The following RAB22A variants were observed in gnomAD, a reference collection of about 807,000 sequenced individuals.
RAB22A encodes RAB22A, member RAS oncogene family.
A neutral mutation model predicts 30.2 loss-of-function variants in RAB22A; 13 were observed. The observed-to-expected ratio is 0.43, with a 90% CI of 0.28 to 0.68. The LOEUF is 0.68. RAB22A is among the 30% of genes least tolerant of loss of function. RAB22A has a pLI of 0.18. For missense variants in RAB22A, 177 were observed against 246.8 expected, an observed-to-expected ratio of 0.72 and a Z score of 1.89; for synonymous variants, 89 against 87.2, an observed-to-expected ratio of 1.02 and a Z score of -0.11.
chr20:58,328,175 G>A (rs1043228274), intron 2 of RAB22A, among the ~76,000 whole-genome samples: 1 of 151,908 alleles, frequency 6.6e-6, no homozygotes, highest in African/African-American at 2.4e-5. Context: ...AACTATTTGC[G>A]AAAAAAATGT....
chr20:58,316,378 C>A (rs557336425), intron 2 of RAB22A, among the ~76,000 whole-genome samples: 1 of 152,154 alleles, frequency 6.6e-6, no homozygotes, highest in East Asian at 1.9e-4. Flanking sequence ...AGACTCCTGC[C>A]CATTTGCATT....
chr20:58,314,417 C>A (rs2122922036), intron 2 of RAB22A, among the ~76,000 whole-genome samples: 1 of 152,282 alleles, frequency 6.6e-6, no homozygotes, highest in East Asian at 1.9e-4. Context: ...ATATGCAGTA[C>A]TATGAAAACA....
chr20:58,351,153 A>G (rs184417380), intron 3 of RAB22A, among the ~76,000 whole-genome samples: 10 of 152,184 alleles, frequency 6.6e-5, no homozygotes, highest in South Asian at 2.1e-4. Context: ...CCTGTCCAAC[A>G]TGGCAAAACC....
chr20:58,348,237 AG>A (rs1213973468), intron 3 of RAB22A, among the ~76,000 whole-genome samples: 1 of 152,132 alleles, frequency 6.6e-6, no homozygotes, highest in Non-Finnish European at 1.5e-5. Context: ...AAAAAAAAAA[AG>A]CTTCCTAACC....
intron 2 of RAB22A, among the ~76,000 whole-genome samples, chr20:58,319,967 A>G (rs901735652): frequency 6.6e-6 from 1 of 152,182 alleles, no homozygotes; most frequent in African/African-American, 2.4e-5. Context: ...TGGCACTCCT[A>G]AGATAAATTT....
intron 2 of RAB22A, among the ~76,000 whole-genome samples, chr20:58,324,853 G>A (rs1986530261): frequency 1.7e-5 from 2 of 120,068 alleles, no homozygotes; most frequent in South Asian, 6.1e-4. Context: ...GTGACAGAGC[G>A]AGACTCCGTC....
intron 2 of RAB22A, among the ~76,000 whole-genome samples, chr20:58,339,880 T>C (rs1986825278): frequency 6.6e-6 from 1 of 152,192 alleles, no homozygotes; most frequent in African/African-American, 2.4e-5. Context: ...GAATCCATTG[T>C]TGAGTCCTGC....
intron 3 of RAB22A, among the ~76,000 whole-genome samples, chr20:58,350,316 C>G (rs931316171): frequency 6.6e-6 from 1 of 152,104 alleles, no homozygotes; most frequent in African/African-American, 2.4e-5. Context: ...CAAATTCAAA[C>G]AGTCTAACGT....
chr20:58,334,414 G>C (rs770751874), intron 2 of RAB22A, among the ~76,000 whole-genome samples: 1 of 151,860 alleles, frequency 6.6e-6, no homozygotes, highest in Non-Finnish European at 1.5e-5. Context: ...GATAGAAAAA[G>C]AAGAGCAGAG....
chr20:58,349,940 G>A (rs1229836621), intron 3 of RAB22A, among the ~76,000 whole-genome samples: 2 of 152,170 alleles, frequency 1.3e-5, no homozygotes, highest in African/African-American at 2.4e-5. Context: ...AGAATTTAAA[G>A]CACATATTTT....
chr20:58,334,796 G>A (rs1986719527), intron 2 of RAB22A, among the ~76,000 whole-genome samples: 1 of 147,608 alleles, frequency 6.8e-6, no homozygotes, highest in African/African-American at 2.5e-5. Context: ...GAATCAAAAT[G>A]TATGAGTAGA....
intron 2 of RAB22A, among the ~76,000 whole-genome samples, chr20:58,336,991 G>C (rs1254285504): frequency 6.6e-6 from 1 of 152,082 alleles, no homozygotes; most frequent in Non-Finnish European, 1.5e-5. Context: ...GGACCCCCCT[G>C]GGGGTCCTCG....
At chr20:58,335,903 C>T (rs1986742193) in intron 2 of RAB22A, among the ~76,000 whole-genome samples, 1 of 152,176 alleles carries the variant, frequency 6.6e-6, no homozygotes, top group South Asian at 2.1e-4. Flanking sequence ...GTATGTTAGT[C>T]TTAAGTTGTC....
intron 1 of RAB22A, 149 bp downstream of exon 1, chr20:58,310,161 G>T: frequency 1.3e-6 from 1 of 798,016 alleles, no homozygotes; most frequent in Non-Finnish European, 1.7e-6. Flanking sequence ...CTCGGGAGCC[G>T]TCCCGCCCAC....
In RAB22A at chr20:58,356,551, C is replaced by T. The variant is rs6026212; in HGVS notation, c.487+2286C>T. ...TATAATAGACATACAGAAATGTGCA[C>T]GTATCAGAAGTATAAGGCTCAGTGA... On this transcript the variant is annotated intron_variant, in intron 6 of 6. Transcript: ENST00000244040. Among the ~76,000 whole-genome samples the T allele has an allele frequency of 5.3e-3, 800 of 152,206 alleles. 4 individuals carry two copies. The highest frequency in any genetic ancestry group is 0.018 in the African/African-American group (755 of 41,516).
chr20:58,341,474 G>A (rs1345400884), intron 2 of RAB22A, among the ~76,000 whole-genome samples: 2 of 152,176 alleles, frequency 1.3e-5, no homozygotes. Context: ...AACTGGTGGT[G>A]TGGGCAAGTG....
At chr20:58,318,697 G>A (rs890192064) in intron 2 of RAB22A, among the ~76,000 whole-genome samples, 1 of 152,064 alleles carries the variant, frequency 6.6e-6, no homozygotes, top group Non-Finnish European at 1.5e-5. Flanking sequence ...TTTGGAAGAT[G>A]GGAATTTTGC....
rs143174458 is a variant in RAB22A at position 58,354,241 on chromosome 20, A to G, written c.463A>G (p.Ile155Val). 3.1e-5 allele frequency: 50 copies of G among 1,612,996 alleles called. No homozygotes were observed. The East Asian group carries it at 8.9e-4, about 29-fold the overall frequency. Reference sequence around the variant, plus strand: ...GACCAGCGCAAAAAACGCGATAAACATAAATGAACTCTTTATAGAAATTAG... The same window carrying G: ...GACCAGCGCAAAAAACGCGATAAACGTAAATGAACTCTTTATAGAAATTAG... ...VETSAKNAIN[I>V]NELFIEISRR... The change falls in exon 6 of 7, where the codon ATA becomes GTA. Residue 155 changes from isoleucine to valine, a missense_variant. Physicochemically the swap from Ile to Val is conservative, Grantham distance 29 (BLOSUM62 3). Coordinates refer to ENST00000244040, the MANE Select transcript of RAB22A (RefSeq NM_020673.3).
chr20:58,331,931 G>A (rs993377699), intron 2 of RAB22A, among the ~76,000 whole-genome samples: 1 of 152,014 alleles, frequency 6.6e-6, no homozygotes, highest in African/African-American at 2.4e-5. Context: ...TTTCTCCTCG[G>A]TCATCCCCAA....
Sources: gnomAD v4.1 joint callset for allele counts (sites outside exome capture counted in the v4.1 genomes callset) on GRCh38, gnomAD v4.1.1 for gene constraint, MANE v1.5 for transcripts, NCBI Gene and HGNC (gene_info 2026-07-23, HGNC 2026-07-21) for gene names.